GAPVD1: variants seen among roughly 807,000 people sequenced by gnomAD.
The protein encoded by GAPVD1 is GTPase activating protein and VPS9 domains 1.
Under a neutral mutation model 155.5 loss-of-function variants are expected in GAPVD1, and 35 were observed. The observed-to-expected ratio is 0.23, with a 90% CI of 0.17 to 0.30. The LOEUF (loss-of-function observed/expected upper bound fraction) is 0.30, where lower values mean the gene tolerates loss of function less well. Among genes scored for constraint, GAPVD1 ranks in the 10% least tolerant of loss-of-function variants. The pLI is 1.00. For synonymous variants in GAPVD1, 636 were observed against 619.7 expected (o/e 1.03, Z -0.39); for missense variants, 1,429 against 1,775.7 (o/e 0.80, Z 3.51).
Position 125,307,681 on chromosome 9 carries a change from C to G in GAPVD1, c.1252-10C>G. The stretch of plus-strand genomic sequence containing the variant: ...TGATTTCATTAGCTAATGTTCTTTG[C>G]TTTTGCCAGGTGAATTTTATGAAGA... On this transcript the variant is annotated splice_polypyrimidine_tract_variant and intron_variant, in intron 7 of 27. Transcript: ENST00000297933. 1.9e-6 allele frequency: 3 copies of G among 1,610,028 alleles called. No individual in the cohort carries two copies. The highest frequency in any genetic ancestry group is 2.5e-6 in the Non-Finnish European group (3 of 1,176,504).
intron 1 of GAPVD1, among the ~76,000 whole-genome samples, chr9:125,265,925 A>G (rs1252133502): frequency 1.5e-4 from 20 of 131,952 alleles, no homozygotes; most frequent in Non-Finnish European, 2.6e-4. Flanking sequence ...AAAAATTTAT[A>G]AAAAAAAAAA....
chr9:125,312,267 G>C (rs1842772014), intron 8 of GAPVD1, among the ~76,000 whole-genome samples, 185 bp from the exon 9 acceptor site: 1 of 152,094 alleles, frequency 6.6e-6, no homozygotes, highest in South Asian at 2.1e-4. Flanking sequence ...ATCTTTATTA[G>C]TCAGTAGAGT....
At chr9:125,352,369 C>A (rs1849427367) in intron 23 of GAPVD1, among the ~76,000 whole-genome samples, 1 of 152,244 alleles carries the variant, frequency 6.6e-6, no homozygotes, top group African/African-American at 2.4e-5. Context: ...CTTTTGAAAT[C>A]TAGGTGGAGG....
At chr9:125,281,001 T>C (rs1010512839) in intron 2 of GAPVD1, among the ~76,000 whole-genome samples, 3 of 152,198 alleles carry the variant, frequency 2.0e-5, no homozygotes, top group East Asian at 1.9e-4. Context: ...GATCAGAAAT[T>C]AGTGCAAATG....
chr9:125,294,336 C>G (rs182902726), intron 2 of GAPVD1, among the ~76,000 whole-genome samples: 1 of 150,372 alleles, frequency 6.7e-6, no homozygotes, highest in African/African-American at 2.4e-5. Flanking sequence ...CCACTGCGCC[C>G]GGCCAAAATG....
At chr9:125,274,614 C>T (rs567433885) in intron 2 of GAPVD1, among the ~76,000 whole-genome samples, 1 of 151,902 alleles carries the variant, frequency 6.6e-6, no homozygotes, top group African/African-American at 2.4e-5. Context: ...CAGGCATGCA[C>T]CACCACGCCT....
chr9:125,307,285 AT>A, intron 6 of GAPVD1, 127 bp from the exon 7 acceptor site: 2 of 679,570 alleles, frequency 2.9e-6, no homozygotes, highest in Non-Finnish European at 4.6e-6. Context: ...AAAAAAAAAA[AT>A]TCAACATCTT....
chr9:125,337,148 C>T, intron 16 of GAPVD1, 53 bp downstream of exon 16: 1 of 1,600,722 alleles, frequency 6.2e-7, no homozygotes, highest in Non-Finnish European at 8.6e-7. Context: ...GAGGAGGAAA[C>T]CAAATCCCCT....
intron 1 of GAPVD1, among the ~76,000 whole-genome samples, chr9:125,265,168 G>A (rs1308877064): frequency 1.3e-5 from 2 of 152,176 alleles, no homozygotes; most frequent in Non-Finnish European, 2.9e-5. Context: ...TAATAAAAGG[G>A]AAAGTCTGTA....
chr9:125,307,639 T>C, intron 7 of GAPVD1, 52 bp from the exon 8 acceptor site: 2 of 1,542,128 alleles, frequency 1.3e-6, no homozygotes, highest in South Asian at 2.2e-5. Flanking sequence ...GGGAAATACA[T>C]ATTGTATTTG....
At chr9:125,340,420 AT>A (rs2132078204) in intron 17 of GAPVD1, among the ~76,000 whole-genome samples, 1 of 152,286 alleles carries the variant, frequency 6.6e-6, no homozygotes, top group South Asian at 2.1e-4. Flanking sequence ...TGTGCCACAT[AT>A]AGGCTGTGTA....
rs187941761 is a variant in GAPVD1 at position 125,264,565 on chromosome 9, C to T, written c.-199+2606C>T. The stretch of plus-strand genomic sequence containing the variant: ...GGTAATGGGGAATGAACAAAATAAT[C>T]GGAAGAAGAAAGAAAAGTGAATATG... On this transcript the variant is annotated intron_variant, in intron 1 of 27. Transcript: ENST00000297933. 1.1e-4 allele frequency among the ~76,000 whole-genome samples: 16 copies of T among 152,106 alleles called. No individual in the cohort carries two copies. In the East Asian group the frequency reaches 1.2e-3, roughly 11 times the overall value.
chr9:125,322,345 T>A (rs1439975131), intron 10 of GAPVD1, among the ~76,000 whole-genome samples: 1 of 152,068 alleles, frequency 6.6e-6, no homozygotes, highest in Non-Finnish European at 1.5e-5. Context: ...ATTACAGGCG[T>A]GAGCCACCGC....
chr9:125,335,405 C>T lies in GAPVD1; in HGVS notation c.2429-1613C>T, dbSNP rs140055502. Among the ~76,000 whole-genome samples the T allele has an allele frequency of 1.8e-3, 266 of 151,260 alleles. 2 individuals carry two copies. The highest frequency in any genetic ancestry group is 6.1e-3 in the African/African-American group (252 of 41,172). ...TTTTTTTTAAAAATGGGGCTGGGCG[C>T]GGTGGCTCACGCCCATAATCCCAGC... On this transcript the variant is annotated intron_variant, in intron 15 of 27. Coordinates refer to ENST00000297933, the MANE Select transcript of GAPVD1 (RefSeq NM_001282680.3).
chr9:125,307,614 A>G (rs977687302), intron 7 of GAPVD1, 67 bp downstream of exon 7: 10 of 1,559,766 alleles, frequency 6.4e-6, no homozygotes, highest in South Asian at 2.2e-5. Flanking sequence ...AAAAACATAC[A>G]TGAGTACATT....
At chr9:125,275,593 A>G (rs1835641404) in intron 2 of GAPVD1, among the ~76,000 whole-genome samples, 1 of 152,056 alleles carries the variant, frequency 6.6e-6, no homozygotes, top group South Asian at 2.1e-4. Context: ...TGCAAAAAAT[A>G]CAAGAGTTAG....
Position 125,327,139 on chromosome 9 carries a change from G to C in GAPVD1, c.2032+550G>C, listed in dbSNP as rs370726827. Among the ~76,000 whole-genome samples, 114 of 151,068 alleles carry C rather than the reference G, an allele frequency of 7.5e-4. 1 individual carries two copies. The highest frequency in any genetic ancestry group is 3.1e-3 in the South Asian group (15 of 4,770). On this transcript the variant is annotated intron_variant, in intron 12 of 27. Coordinates refer to ENST00000297933, the MANE Select transcript of GAPVD1 (RefSeq NM_001282680.3). Reference sequence around the variant, plus strand: ...TATTTTCAAATAGAGACAGGATTTCGCTTTGTTGCTCAGGCTGGTCTTGAA... The same window carrying C: ...TATTTTCAAATAGAGACAGGATTTCCCTTTGTTGCTCAGGCTGGTCTTGAA...
rs1588876124 is a variant in GAPVD1, at chr9:125,312,681, C to T, written c.1602+69C>T. 24 of 1,165,030 alleles carry T rather than the reference C, an allele frequency of 2.1e-5. No homozygotes were observed. In the South Asian group the frequency reaches 3.6e-4, roughly 17 times the overall value. The allele number at this position is 1,165,030 out of a possible 1,614,324, so 72.2% of individuals were successfully genotyped here. A position where few individuals can be genotyped will look rare whatever the true frequency, so the allele number is the denominator to read the frequency against. ...CCATACAGGCTGCTGTAACAAAACA[C>T]CAGAGGTTGGGTGGCTTATAAACAA... On this transcript the variant is annotated intron_variant, in intron 9 of 27. Coordinates refer to ENST00000297933, the MANE Select transcript of GAPVD1 (RefSeq NM_001282680.3).
intron 2 of GAPVD1, among the ~76,000 whole-genome samples, chr9:125,284,815 T>G (rs1837386146): frequency 6.6e-6 from 1 of 152,232 alleles, no homozygotes. Context: ...GTTACTGTAC[T>G]GAATACTCTA....
Sources: allele counts gnomAD v4.1 joint callset (sites outside exome capture counted in the v4.1 genomes callset), GRCh38; gene constraint gnomAD v4.1.1; transcripts MANE v1.5; gene names NCBI Gene and HGNC (gene_info 2026-07-23, HGNC 2026-07-21).